GSR: variants seen among roughly 807,000 people sequenced by gnomAD.
GSR encodes glutathione reductase, mitochondrial.
In GSR, 48 loss-of-function variants were observed where a neutral mutation model predicts 56.5. That is an observed-to-expected ratio of 0.85 (90% CI 0.67 to 1.08). The LOEUF is 1.08. Ranked by LOEUF, GSR falls within the 50% of genes least tolerant of loss-of-function variation. The pLI is 0.00. For missense variants in GSR, 694 were observed against 703.3 expected, an observed-to-expected ratio of 0.99 and a Z score of 0.15; for synonymous variants, 264 against 270.8, an observed-to-expected ratio of 0.97 and a Z score of 0.25.
At chr8:30,683,224 A>G (rs1354137136) in intron 10 of GSR, among the ~76,000 whole-genome samples, 3 of 152,162 alleles carry the variant, frequency 2.0e-5, no homozygotes, top group African/African-American at 7.2e-5. Flanking sequence ...AGCCTCTGAA[A>G]GTGATGGGAG....
chr8:30,724,134 G>C (rs1391981991), intron 1 of GSR, among the ~76,000 whole-genome samples: 1 of 152,148 alleles, frequency 6.6e-6, no homozygotes, highest in Non-Finnish European at 1.5e-5. Flanking sequence ...CACTTTCGGA[G>C]ACCAAAGCAG....
At chr8:30,694,491 G>C (rs1317383985) in intron 7 of GSR, among the ~76,000 whole-genome samples, 3 of 151,944 alleles carry the variant, frequency 2.0e-5, no homozygotes, top group South Asian at 2.1e-4. Context: ...TTAATTTTTT[G>C]TAGTAGAGAT....
intron 8 of GSR, among the ~76,000 whole-genome samples, chr8:30,690,366 C>T (rs1041182004): frequency 1.8e-4 from 28 of 151,854 alleles, no homozygotes; most frequent in African/African-American, 5.8e-4. Flanking sequence ...TGTTATGTTG[C>T]CCAGGCTGGT....
chr8:30,726,450 A>G (rs1804726536), intron 1 of GSR, among the ~76,000 whole-genome samples: 1 of 152,216 alleles, frequency 6.6e-6, no homozygotes, highest in African/African-American at 2.4e-5. Flanking sequence ...GGGCACACCA[A>G]TAACTTGGAA....
In GSR at chr8:30,679,370, G is replaced by C. The variant is rs8191039; in HGVS notation, c.*150C>G. 660 of 732,664 alleles carry C rather than the reference G, an allele frequency of 9.0e-4. 3 individuals carry two copies. The African/African-American group carries it at 0.01, about 12-fold the overall frequency. The allele number at this position is 732,664 out of a possible 1,614,324, so 45.4% of individuals were successfully genotyped here. A position where few individuals can be genotyped will look rare whatever the true frequency, so the allele number is the denominator to read the frequency against. On this transcript the variant is annotated 3_prime_UTR_variant, in exon 13 of 13. Transcript: ENST00000221130. ...TACAAATTTCTAACTCCATAAATAAGTTCTATTATGTACTAAAAATTTCCA... is the reference window on the plus strand; with the variant it reads ...TACAAATTTCTAACTCCATAAATAACTTCTATTATGTACTAAAAATTTCCA...
At chr8:30,720,580 A>T (rs553793820) in intron 1 of GSR, among the ~76,000 whole-genome samples, 1 of 152,124 alleles carries the variant, frequency 6.6e-6, no homozygotes, top group South Asian at 2.1e-4. Context: ...GCACATATTC[A>T]CTATTCAATA....
chr8:30,682,758 C>T (rs1803001578), intron 10 of GSR, among the ~76,000 whole-genome samples: 1 of 151,964 alleles, frequency 6.6e-6, no homozygotes, highest in Non-Finnish European at 1.5e-5. Flanking sequence ...TTTTATAACC[C>T]TAAAGTGCTG....
In GSR at chr8:30,708,095, T is replaced by C; in HGVS notation, c.469A>G (p.Ile157Val). The change falls in exon 4 of 13, where the codon ATC becomes GTC. Residue 157 changes from isoleucine to valine, a missense_variant. Transcript: ENST00000221130. ...RDAYVSRLNA[I>V]YQNNLTKSHI... Reference sequence around the variant, plus strand: ...ACCTTGGTGAGATTGTTTTGATAGATGGCATTCAGGCGGCTCACATAGGCA... The same window carrying C: ...ACCTTGGTGAGATTGTTTTGATAGACGGCATTCAGGCGGCTCACATAGGCA... The C allele has an allele frequency of 2.5e-6, 4 of 1,613,398 alleles. No individual in the cohort carries two copies. Among genetic ancestry groups the C allele is most frequent in the South Asian group, 2.2e-5 (2 of 91,074 alleles).
At chr8:30,704,957 A>G (rs1803874304) in intron 4 of GSR, 1 of 152,194 alleles carries the variant, frequency 6.6e-6, no homozygotes, top group South Asian at 2.1e-4. Context: ...TTTCCAGGAT[A>G]TTAGATAGAA....
chr8:30,700,723 C>CAAAAAAAAAAAAAA lies in GSR; in HGVS notation c.641-602_641-589dup, dbSNP rs55702917. Among the ~76,000 whole-genome samples the CAAAAAAAAAAAAAA allele has an allele frequency of 7.4e-3, 592 of 80,020 alleles. 63 individuals carry two copies. Among genetic ancestry groups the CAAAAAAAAAAAAAA allele is most frequent in the Middle Eastern group, 0.024 (3 of 126 alleles). The allele number at this position is 80,020 out of a possible 152,430, so 52.5% of individuals were successfully genotyped here. A position where few individuals can be genotyped will look rare whatever the true frequency, so the allele number is the denominator to read the frequency against. ...TGGGAACAGAGCAAGATTTTGTCTC[C>CAAAAAAAAAAAAAA]AAAAAAAAAAAAAAAAAAAAAAAAA... On this transcript the variant is annotated intron_variant, in intron 5 of 12. Coordinates refer to ENST00000221130, the MANE Select transcript of GSR (RefSeq NM_000637.5).
At chr8:30,686,939 C>G (rs1039092884) in intron 9 of GSR, among the ~76,000 whole-genome samples, 1 of 151,248 alleles carries the variant, frequency 6.6e-6, no homozygotes, top group African/African-American at 2.4e-5. Flanking sequence ...TGGGTTCAAG[C>G]GATTCTCCTG....
intron 4 of GSR, among the ~76,000 whole-genome samples, chr8:30,707,644 T>C (rs1008318727): frequency 6.7e-6 from 1 of 149,054 alleles, no homozygotes; most frequent in Non-Finnish European, 1.5e-5. Flanking sequence ...TGGCGACAGA[T>C]AGAGACCTGG....
intron 1 of GSR, among the ~76,000 whole-genome samples, chr8:30,714,183 T>C (rs935101111): frequency 6.6e-6 from 1 of 151,524 alleles, no homozygotes; most frequent in Non-Finnish European, 1.5e-5. Context: ...GAGAAAACTT[T>C]CACATTTTGT....
intron 9 of GSR, among the ~76,000 whole-genome samples, chr8:30,686,031 C>T (rs1490559031): frequency 7.5e-6 from 1 of 134,110 alleles, no homozygotes; most frequent in Non-Finnish European, 1.6e-5. Flanking sequence ...ACCTTTGGTA[C>T]AGACAGACCA....
At chr8:30,710,714 CAAAAAAAA>C (rs60532553) in intron 2 of GSR, among the ~76,000 whole-genome samples, 14 of 51,024 alleles carry the variant, frequency 2.7e-4, no homozygotes, top group African/African-American at 8.6e-4. Flanking sequence ...GACTCTGTCT[CAAAAAAAA>C]AAAAAAAAAA....
chr8:30,710,726 A>T (rs866076777), intron 2 of GSR, among the ~76,000 whole-genome samples: 1 of 100,728 alleles, frequency 9.9e-6, no homozygotes, highest in East Asian at 2.4e-4. Context: ...AAAAAAAAAA[A>T]AAAAAAAAAA....
At chr8:30,684,907 C>A (rs1803103774) in intron 9 of GSR, among the ~76,000 whole-genome samples, 1 of 151,818 alleles carries the variant, frequency 6.6e-6, no homozygotes, top group African/African-American at 2.4e-5. Flanking sequence ...TGCCATCACA[C>A]CTGGATAATT....
chr8:30,701,571 A>G lies in GSR; in HGVS notation c.641-1436T>C, dbSNP rs539608203. Reference sequence around the variant, plus strand: ...TTGGGAGGCCAAGGTGGGCAGATCAACTGAGGTCAGGAGTTTGAGACTGGC... The same window carrying G: ...TTGGGAGGCCAAGGTGGGCAGATCAGCTGAGGTCAGGAGTTTGAGACTGGC... On this transcript the variant is annotated intron_variant, in intron 5 of 12. Coordinates refer to ENST00000221130, the MANE Select transcript of GSR (RefSeq NM_000637.5). Among the ~76,000 whole-genome samples the G allele has an allele frequency of 9.9e-5, 15 of 151,558 alleles. No individual in the cohort carries two copies. In the East Asian group the frequency reaches 2.7e-3, roughly 28 times the overall value.
In GSR at chr8:30,692,988, TC is replaced by T; in HGVS notation, c.862del (p.Glu288ArgfsTer3). 1 of 1,611,494 alleles carries T rather than the reference TC, an allele frequency of 6.2e-7. No individual in the cohort carries two copies. Among genetic ancestry groups the T allele is most frequent in the Non-Finnish European group, 8.5e-7 (1 of 1,178,156 alleles). On this transcript the variant is annotated frameshift_variant, in exon 8 of 13. Coordinates refer to ENST00000221130, the MANE Select transcript of GSR (RefSeq NM_000637.5). LOFTEE classifies it high-confidence loss of function. ...CTGTACCTGGGAGAACTTCAGCACCTCCACGCCAGCGTTCTCCAGCTCCTCC... is the reference window on the plus strand; with the variant it reads ...CTGTACCTGGGAGAACTTCAGCACCTCACGCCAGCGTTCTCCAGCTCCTCC... ...CTEELENAGV[E>X]VLKFSQVKEV...
Sources: gnomAD v4.1 joint callset for allele counts (sites outside exome capture counted in the v4.1 genomes callset) on GRCh38, gnomAD v4.1.1 for gene constraint, MANE v1.5 for transcripts, NCBI Gene and HGNC (gene_info 2026-07-23, HGNC 2026-07-21) for gene names.